The following PDE1A variants were observed in gnomAD, a reference collection of about 807,000 sequenced individuals.
PDE1A encodes phosphodiesterase 1A.
PDE1A carries 35 observed loss-of-function variants against 61.7 expected under a neutral mutation model. That is an observed-to-expected ratio of 0.57 (90% CI 0.43 to 0.75). The LOEUF (loss-of-function observed/expected upper bound fraction) is 0.75. PDE1A is among the 30% of genes least tolerant of loss of function. PDE1A has a pLI of 0.00. For synonymous variants in PDE1A, 232 were observed against 213.2 expected, an observed-to-expected ratio of 1.09 and a Z score of -0.77; for missense variants, 597 against 630.6, an observed-to-expected ratio of 0.95 and a Z score of 0.57.
intron 1 of PDE1A, among the ~76,000 whole-genome samples, chr2:182,317,571 T>C (rs575348912): frequency 1.3e-5 from 2 of 152,060 alleles, no homozygotes; most frequent in East Asian, 3.9e-4. Context: ...TAACAATGAG[T>C]GCTGCAACAA....
the PDE1A span, among the ~76,000 whole-genome samples, chr2:182,594,008 T>C: frequency 2.0e-5 from 3 of 152,202 alleles, no homozygotes; most frequent in African/African-American, 7.2e-5. Flanking sequence ...CTTATATCTG[T>C]TTATTAGTAA....
chr2:182,184,119 C>T (rs1027851489), intron 13 of PDE1A, among the ~76,000 whole-genome samples: 3 of 151,820 alleles, frequency 2.0e-5, no homozygotes, highest in East Asian at 1.9e-4. Context: ...CTAAGTTATG[C>T]ATAACACAAT....
the PDE1A span, among the ~76,000 whole-genome samples, chr2:182,708,731 C>T: frequency 6.6e-6 from 1 of 152,118 alleles, no homozygotes. Context: ...GACACAGAGC[C>T]AAACCATATT....
At chr2:182,373,173 G>T (rs1700211966) in intron 1 of PDE1A, among the ~76,000 whole-genome samples, 1 of 152,126 alleles carries the variant, frequency 6.6e-6, no homozygotes, top group Non-Finnish European at 1.5e-5. Context: ...TGAATCTTGG[G>T]GTTTAGTATC....
chr2:182,486,870 G>A (rs1688056659), intron 2 of PDE1A, among the ~76,000 whole-genome samples: 2 of 152,104 alleles, frequency 1.3e-5, no homozygotes, highest in East Asian at 1.9e-4. Flanking sequence ...CCTTAGATTA[G>A]GCAAAGATTA....
rs1219608685 is a variant in PDE1A at position 182,451,378 on chromosome 2, CAAA to C, written c.101+70895_101+70897del. Among the ~76,000 whole-genome samples, 3 of 12,304 alleles carry C rather than the reference CAAA, an allele frequency of 2.4e-4. 1 individual carries two copies. Among genetic ancestry groups the C allele is most frequent in the Non-Finnish European group, 2.9e-4 (2 of 6,852 alleles). The allele number at this position is 12,304 out of a possible 152,430, so 8.1% of individuals were successfully genotyped here. A position where few individuals can be genotyped will look rare whatever the true frequency, so the allele number is the denominator to read the frequency against. Reference sequence around the variant, plus strand: ...TGGGCGACAGAGCGAGACTCCGTCTCAAAAAAAAAAAAAAAAAAAAATATTTTA... The same window carrying C: ...TGGGCGACAGAGCGAGACTCCGTCTCAAAAAAAAAAAAAAAAAATATTTTA... On this transcript the variant is annotated intron_variant, in intron 2 of 14. Transcript: ENST00000410103.
At chr2:182,492,519 A>G (rs977603402) in intron 2 of PDE1A, among the ~76,000 whole-genome samples, 1 of 152,206 alleles carries the variant, frequency 6.6e-6, no homozygotes, top group African/African-American at 2.4e-5. Flanking sequence ...GCAAGATTCT[A>G]TCAAACTTTC....
chr2:182,568,595 G>C, the PDE1A span, among the ~76,000 whole-genome samples: 1 of 151,740 alleles, frequency 6.6e-6, no homozygotes, highest in South Asian at 2.1e-4. Flanking sequence ...GAACCCGGGA[G>C]GGGAGCTTGC....
rs191341056 is a variant in PDE1A, at chr2:182,237,357, G to A, written c.350+2753C>T. Reference sequence around the variant, plus strand: ...AAATACAAAAAACAATTAGCCGTGCGTGGTGGCATGCGCCTGTAATCCCAG... The same window carrying A: ...AAATACAAAAAACAATTAGCCGTGCATGGTGGCATGCGCCTGTAATCCCAG... On this transcript the variant is annotated intron_variant, in intron 3 of 13. Transcript: ENST00000351439. Among the ~76,000 whole-genome samples, 7 of 152,176 alleles carry A rather than the reference G, an allele frequency of 4.6e-5. 1 individual carries two copies. Among genetic ancestry groups the A allele is most frequent in the Admixed American group, 1.3e-4 (2 of 15,274 alleles).
chr2:182,424,006 G>A (rs1297487917), intron 1 of PDE1A, among the ~76,000 whole-genome samples: 5 of 147,798 alleles, frequency 3.4e-5, no homozygotes, highest in East Asian at 2.0e-4. Context: ...GTGCAGTGGC[G>A]CAATTTCAGC....
chr2:182,204,416 T>A (rs1018894045), intron 8 of PDE1A, among the ~76,000 whole-genome samples: 2 of 152,168 alleles, frequency 1.3e-5, no homozygotes, highest in Non-Finnish European at 2.9e-5. Flanking sequence ...AAGTTTGAAC[T>A]GTGTGGGACC....
At position 182,188,969 on chromosome 2, in the gene PDE1A, T is replaced by A. The variant is rs775275333; in HGVS notation, c.1207+10A>T. 7 of 1,585,390 alleles carry A rather than the reference T, an allele frequency of 4.4e-6. No individual in the cohort carries two copies. In the Admixed American group the frequency reaches 1.2e-4, roughly 27 times the overall value. On this transcript the variant is annotated intron_variant, in intron 11 of 13. Coordinates refer to ENST00000351439, the Ensembl canonical transcript of PDE1A. ...ACTCACTTTCCACCACCACAAATCA[T>A]CAGAATTACCTATTTGTGACTGGGC... is the stretch of plus-strand genomic sequence containing the variant.
chr2:182,654,947 G>A, the PDE1A span, among the ~76,000 whole-genome samples: 1 of 152,070 alleles, frequency 6.6e-6, no homozygotes. Flanking sequence ...AGGCCTCCTG[G>A]TTATTCATCT....
the PDE1A span, among the ~76,000 whole-genome samples, chr2:182,674,657 C>A: frequency 6.6e-6 from 1 of 151,920 alleles, no homozygotes; most frequent in Non-Finnish European, 1.5e-5. Flanking sequence ...AGAATTGCCA[C>A]CTCTGATCAT....
At chr2:182,609,505 C>T in the PDE1A span, among the ~76,000 whole-genome samples, 3 of 152,186 alleles carry the variant, frequency 2.0e-5, no homozygotes, top group Non-Finnish European at 2.9e-5. Flanking sequence ...GGTCTGCAGC[C>T]TCACTCCTGA....
intron 1 of PDE1A, among the ~76,000 whole-genome samples, chr2:182,318,335 C>A (rs1696477859): frequency 6.6e-6 from 1 of 152,110 alleles, no homozygotes. Context: ...CACCCTCTGA[C>A]CCCAGTTGTC....
chr2:182,570,172 G>C, the PDE1A span, among the ~76,000 whole-genome samples: 1 of 152,094 alleles, frequency 6.6e-6, no homozygotes, highest in African/African-American at 2.4e-5. Flanking sequence ...TAAAATGTTA[G>C]TAAAAATCTG....
At chr2:182,380,766 T>A (rs1386347459) in intron 1 of PDE1A, among the ~76,000 whole-genome samples, 1 of 152,238 alleles carries the variant, frequency 6.6e-6, no homozygotes, top group African/African-American at 2.4e-5. Context: ...AGGATAATTA[T>A]TAGGCATGGA....
intron 7 of PDE1A, among the ~76,000 whole-genome samples, chr2:182,208,228 A>AT (rs563358278): frequency 5.1e-4 from 78 of 152,310 alleles, no homozygotes; most frequent in African/African-American, 1.8e-3. Context: ...TGGGTAATTT[A>AT]TAAAGGAAAG....
Sources: gnomAD v4.1 joint callset for allele counts (sites outside exome capture counted in the v4.1 genomes callset) on GRCh38, gnomAD v4.1.1 for gene constraint, MANE v1.5 for transcripts, NCBI Gene and HGNC (gene_info 2026-07-23, HGNC 2026-07-21) for gene names.